The following HAPLN3 variants were observed in gnomAD, a reference collection of about 807,000 sequenced individuals.
The protein encoded by HAPLN3 is hyaluronan and proteoglycan link protein 3.
In HAPLN3, 28 loss-of-function variants were observed where a neutral mutation model predicts 28.1. That is an observed-to-expected ratio of 1.00 (90% CI 0.74 to 1.37). The LOEUF is 1.37. HAPLN3 is among the 40% of genes most tolerant of loss of function. The probability of loss-of-function intolerance (pLI) is 0.00; values close to 1 mark genes in which losing one functional copy is unlikely to be tolerated. For synonymous variants in HAPLN3, 211 were observed against 213.1 expected, an observed-to-expected ratio of 0.99 and a Z score of 0.09; for missense variants, 513 against 504.6, an observed-to-expected ratio of 1.02 and a Z score of -0.16.
chr15:88,884,674 T>C (rs1485966909), intron 2 of HAPLN3, among the ~76,000 whole-genome samples: 1 of 152,200 alleles, frequency 6.6e-6, no homozygotes, highest in African/African-American at 2.4e-5. Context: ...ATCCTAATTA[T>C]GTAGCAAAAT....
intron 1 of HAPLN3, among the ~76,000 whole-genome samples, chr15:88,893,627 C>A (rs1898073344): frequency 1.3e-5 from 2 of 151,964 alleles, no homozygotes; most frequent in African/African-American, 4.8e-5. Context: ...GTTTCTTCAT[C>A]TTTAAAATGG....
In HAPLN3 at chr15:88,881,720, G is replaced by A. The variant is rs1325524632; in HGVS notation, c.130C>T (p.Leu44Phe). ...NLGNGHGKDL[L>F]NGVKLVVETP... ...TCCACCACCAGCTTCACTCCATTAA[G>A]GAGGTCTTGGGGGAGAGACAGGGTG... Residue 44 changes from leucine to phenylalanine, a missense_variant, in exon 3 of 5, where the codon CTT becomes TTT. By Grantham distance (22) the Leu-to-Phe change is conservative (BLOSUM62 0). Coordinates refer to ENST00000359595, the MANE Select transcript of HAPLN3 (RefSeq NM_178232.4). This position sits in a 1 kb window ranked among gnomAD's most constrained non-coding sequence, Gnocchi z 6.0. The A allele has an allele frequency of 1.2e-6, 2 of 1,608,466 alleles. No individual in the cohort carries two copies. Among genetic ancestry groups the A allele is most frequent in the South Asian group, 1.1e-5 (1 of 90,602 alleles).
At chr15:88,885,918 C>T (rs1897840202) in intron 2 of HAPLN3, among the ~76,000 whole-genome samples, 2 of 152,072 alleles carry the variant, frequency 1.3e-5, no homozygotes, top group Non-Finnish European at 2.9e-5. Flanking sequence ...GCTGTTTGAC[C>T]TGGACAACTG....
chr15:88,881,601 A>G lies in HAPLN3; in HGVS notation c.249T>C (p.Arg83=), dbSNP rs200668455. Residue 83 remains arginine, a synonymous_variant, in exon 3 of 5, where the codon CGT becomes CGC. Coordinates refer to ENST00000359595, the MANE Select transcript of HAPLN3 (RefSeq NM_178232.4). The surrounding 1 kb of genome is among the most constrained non-coding windows in gnomAD (Gnocchi z 6.0). ...ACAGCTTCCACCATTTGACACGCAC[A>G]CGCCGCGGGGAGACCAGGGCCGGCT... ...RYEPALVSPR[R]VRVKWWKLSE... is the part of the protein sequence containing the mutation. 5.0e-6 allele frequency: 8 copies of G among 1,613,940 alleles called. No individual in the cohort carries two copies. The African/African-American group carries it at 8.0e-5, about 16-fold the overall frequency.
rs12148326 is a variant in HAPLN3 at position 88,895,247 on chromosome 15, C to A, written c.-48+212G>T. 0.017 allele frequency among the ~76,000 whole-genome samples: 2,660 copies of A among 152,216 alleles called. 65 individuals are homozygous for A. Among genetic ancestry groups the A allele is most frequent in the African/African-American group, 0.059 (2,471 of 41,552 alleles). ...CGAGGGTCCGGCGCCCGCATCCCCG[C>A]GCCGCTCCCTCCCCACTTGTGCCCC... On this transcript the variant is annotated intron_variant, in intron 1 of 4. Coordinates refer to ENST00000359595, the MANE Select transcript of HAPLN3 (RefSeq NM_178232.4). The surrounding 1 kb of genome is among the most constrained non-coding windows in gnomAD (Gnocchi z 5.5).
chr15:88,891,573 C>T (rs1020941189), intron 1 of HAPLN3, among the ~76,000 whole-genome samples: 12 of 152,224 alleles, frequency 7.9e-5, no homozygotes, highest in Non-Finnish European at 1.2e-4. Flanking sequence ...GCTGGTATTA[C>T]AGGCATGAGC....
chr15:88,886,597 G>C (rs1210364506), intron 2 of HAPLN3, among the ~76,000 whole-genome samples: 2 of 152,008 alleles, frequency 1.3e-5, no homozygotes, highest in Non-Finnish European at 2.9e-5. Flanking sequence ...GGTCGAGGCA[G>C]GTGGATCACC....
At chr15:88,886,846 T>C (rs1406458383) in intron 2 of HAPLN3, among the ~76,000 whole-genome samples, 1 of 152,022 alleles carries the variant, frequency 6.6e-6, no homozygotes, top group Non-Finnish European at 1.5e-5. Flanking sequence ...AAAAAAACAT[T>C]CAAACTCACA....
intron 1 of HAPLN3, among the ~76,000 whole-genome samples, chr15:88,893,948 GGGT>G (rs751023927): frequency 0.04 from 2,864 of 71,474 alleles, 87 homozygotes; most frequent in Middle Eastern, 0.057. Context: ...AAAAAAGTTG[GGGT>G]GGGGGGGGCG....
rs1402921384 is a variant in HAPLN3 at position 88,888,366 on chromosome 15, C to T, written c.-47-1021G>A. On this transcript the variant is annotated intron_variant, in intron 1 of 4. Coordinates refer to ENST00000359595, the MANE Select transcript of HAPLN3 (RefSeq NM_178232.4). This position sits in a 1 kb window ranked among gnomAD's most constrained non-coding sequence, Gnocchi z 4.1. Reference sequence around the variant, plus strand: ...TCGGCCTCCCAAAGTGCTGAGATTACAGGCATAAGCCACTGCGCCCAACTC... The same window carrying T: ...TCGGCCTCCCAAAGTGCTGAGATTATAGGCATAAGCCACTGCGCCCAACTC... Among the ~76,000 whole-genome samples, 1 of 152,170 alleles carries T rather than the reference C, an allele frequency of 6.6e-6. No homozygotes were observed. Among genetic ancestry groups the T allele is most frequent in the Non-Finnish European group, 1.5e-5 (1 of 68,028 alleles).
At chr15:88,889,304 G>T (rs1483403372) in intron 1 of HAPLN3, among the ~76,000 whole-genome samples, 2 of 152,068 alleles carry the variant, frequency 1.3e-5, no homozygotes, top group Non-Finnish European at 2.9e-5. Context: ...CCAGCGTCTG[G>T]ATGCCTTGGG....
intron 2 of HAPLN3, among the ~76,000 whole-genome samples, chr15:88,882,516 G>A (rs185672843): frequency 2.6e-4 from 40 of 152,304 alleles, no homozygotes; most frequent in African/African-American, 8.4e-4. Context: ...GCAGCCTACT[G>A]AGCTAAGGGC....
chr15:88,887,390 C>G (rs1294685329), intron 1 of HAPLN3, 45 bp from the exon 2 acceptor site: 16 of 1,520,898 alleles, frequency 1.1e-5, no homozygotes, highest in African/African-American at 1.4e-5. Flanking sequence ...GCCTGGCTTC[C>G]AGGGCCCACA....
chr15:88,893,133 AGGCC>A, intron 1 of HAPLN3: 1 of 735,534 alleles, frequency 1.4e-6, no homozygotes, highest in South Asian at 1.5e-5. Context: ...AAGGAACTTA[AGGCC>A]GGGTGCAGTG....
rs1278430342 is a variant in HAPLN3, at chr15:88,895,102, G to A, written c.-48+357C>T. 6.6e-6 allele frequency among the ~76,000 whole-genome samples: 1 copy of A among 152,222 alleles called. No individual in the cohort carries two copies. Among genetic ancestry groups the A allele is most frequent in the Non-Finnish European group, 1.5e-5 (1 of 68,034 alleles). On this transcript the variant is annotated intron_variant, in intron 1 of 4. Coordinates refer to ENST00000359595, the MANE Select transcript of HAPLN3 (RefSeq NM_178232.4). The surrounding 1 kb of genome is among the most constrained non-coding windows in gnomAD (Gnocchi z 5.5). ...GCCGCGGACGGCACTGGAGGCAGCC[G>A]ACCCTGGACAGACGACAGGGGAGAG...
At position 88,881,299 on chromosome 15, in the gene HAPLN3, G is replaced by A; in HGVS notation, c.493+58C>T. ...GCACAGAGGTCTGGATGTTTTCTCT[G>A]GTCCTCTCCCCTCTGCTCTCAGGTC... On this transcript the variant is annotated intron_variant, in intron 3 of 4. Coordinates refer to ENST00000359595, the MANE Select transcript of HAPLN3 (RefSeq NM_178232.4). This position sits in a 1 kb window ranked among gnomAD's most constrained non-coding sequence, Gnocchi z 6.0. 9.1e-6 allele frequency: 14 copies of A among 1,544,852 alleles called. No homozygotes were observed. Among genetic ancestry groups the A allele is most frequent in the Non-Finnish European group, 1.2e-5 (14 of 1,145,196 alleles).
chr15:88,893,323 C>A (rs140615940), intron 1 of HAPLN3, among the ~76,000 whole-genome samples: 10 of 151,718 alleles, frequency 6.6e-5, no homozygotes, highest in African/African-American at 2.4e-4. Context: ...GTGGCTAAGG[C>A]AGGAGAATTG....
chr15:88,883,636 T>G (rs557820673), intron 2 of HAPLN3, among the ~76,000 whole-genome samples: 1 of 152,380 alleles, frequency 6.6e-6, no homozygotes, highest in African/African-American at 2.4e-5. Context: ...GATAAAATAC[T>G]ATACAGCCAT....
Position 88,878,967 on chromosome 15 carries a change from C to T in HAPLN3, c.796G>A (p.Gly266Arg), listed in dbSNP as rs750569584. 6.2e-7 allele frequency: 1 copy of T among 1,607,252 alleles called. No homozygotes were observed. Among genetic ancestry groups the T allele is most frequent in the East Asian group, 2.2e-5 (1 of 44,686 alleles). The change falls in exon 4 of 5, where the codon GGG (glycine) becomes AGG (arginine). Residue 266 changes from glycine (G) to arginine (R), a missense_variant and splice_region_variant. Coordinates refer to ENST00000359595, the MANE Select transcript of HAPLN3 (RefSeq NM_178232.4). ...GCCCGCGCTTGGCTATTCCACTCAC[C>T]CTTGAGGGCAGTAGCGAAGCAGAAT... Reference protein sequence around the residue: ...DVFCFATALKGRVYYLEHPEK... With the variant: ...DVFCFATALKRRVYYLEHPEK...
Sources: allele counts gnomAD v4.1 joint callset (sites outside exome capture counted in the v4.1 genomes callset), GRCh38; gene constraint gnomAD v4.1.1; non-coding constraint Gnocchi (gnomAD v3.1); transcripts MANE v1.5; gene names NCBI Gene and HGNC (gene_info 2026-07-23, HGNC 2026-07-21).